The following BID variants were observed in gnomAD, a reference collection of about 807,000 sequenced individuals.
BID encodes BH3 interacting domain death agonist.
A neutral mutation model predicts 17.4 loss-of-function variants in BID; 19 were observed. The ratio of observed to expected loss-of-function variants is 1.09; its 90% CI spans 0.76 to 1.60. BID has a LOEUF of 1.60. BID is among the 40% of genes most tolerant of loss of function. The probability of loss-of-function intolerance (pLI) is 0.00; values close to 1 mark genes in which losing one functional copy is unlikely to be tolerated. For missense variants in BID, 226 were observed against 256.0 expected (o/e 0.88, Z 0.80); for synonymous variants, 108 against 102.8 (o/e 1.05, Z -0.31).
intron 5 of BID, among the ~76,000 whole-genome samples, 181 bp from the exon 6 acceptor site, chr22:17,735,772 G>A (rs529863212): frequency 1.3e-5 from 2 of 152,100 alleles, no homozygotes; most frequent in African/African-American, 2.4e-5. Context: ...AAAACAGGCC[G>A]TTCAGGCGGT....
intron 1 of BID, among the ~76,000 whole-genome samples, chr22:17,761,300 G>A (rs1359549779): frequency 6.6e-6 from 1 of 151,878 alleles, no homozygotes; most frequent in African/African-American, 2.4e-5. Flanking sequence ...ATGAACCTTT[G>A]TTCTTTGTTT....
chr22:17,763,336 T>A (rs1360837653), intron 1 of BID, among the ~76,000 whole-genome samples: 1 of 151,118 alleles, frequency 6.6e-6, no homozygotes, highest in African/African-American at 2.4e-5. Flanking sequence ...CTTCGTCTCC[T>A]GGGTTCAAGT....
intron 5 of BID, among the ~76,000 whole-genome samples, chr22:17,736,352 G>A (rs1035667457): frequency 6.6e-6 from 1 of 151,966 alleles, no homozygotes; most frequent in African/African-American, 2.4e-5. Context: ...AGCTTCTTGG[G>A]GGGCTGAGGC....
At chr22:17,757,308 G>A (rs1171042843) in intron 1 of BID, among the ~76,000 whole-genome samples, 1 of 150,112 alleles carries the variant, frequency 6.7e-6, no homozygotes, top group East Asian at 2.0e-4. Flanking sequence ...CCAGCTACTG[G>A]GGAAGGATTG....
chr22:17,767,776 T>C (rs1231169789), intron 1 of BID, among the ~76,000 whole-genome samples: 1 of 152,052 alleles, frequency 6.6e-6, no homozygotes, highest in Non-Finnish European at 1.5e-5. Flanking sequence ...AGAAACAGCG[T>C]CCGCGAAGTG....
chr22:17,771,301 G>A (rs1014010960), intron 1 of BID, among the ~76,000 whole-genome samples: 1 of 152,102 alleles, frequency 6.6e-6, no homozygotes, highest in African/African-American at 2.4e-5. Context: ...GGGTTTCAAC[G>A]TCTTAGTCAG....
chr22:17,740,212 T>G lies in BID; in HGVS notation c.224-724A>C, dbSNP rs1246356162. ...GTAAGCTCCCTAAGGGCTGTGATTTTTTTAATCTGTTTTGTCCACTGACAA... is the reference window on the plus strand; with the variant it reads ...GTAAGCTCCCTAAGGGCTGTGATTTGTTTAATCTGTTTTGTCCACTGACAA... On this transcript the variant is annotated intron_variant, in intron 3 of 5. Transcript: ENST00000622694. 1.0e-5 allele frequency: 16 copies of G among 1,581,526 alleles called. 1 individual carries two copies. The South Asian group carries it at 1.8e-4, about 18-fold the overall frequency.
chr22:17,761,137 G>A (rs766993416), intron 1 of BID, among the ~76,000 whole-genome samples: 6 of 152,110 alleles, frequency 3.9e-5, no homozygotes, highest in Admixed American at 1.3e-4. Context: ...TTTTTATAAG[G>A]TGAATGATCA....
intron 1 of BID, among the ~76,000 whole-genome samples, chr22:17,753,271 A>G (rs547725633): frequency 5.7e-4 from 86 of 152,170 alleles, no homozygotes; most frequent in African/African-American, 1.7e-3. Context: ...CAGCCCCCCA[A>G]TGGGACATTT....
At chr22:17,764,530 A>G (rs182645996) in intron 1 of BID, among the ~76,000 whole-genome samples, 51 of 152,386 alleles carry the variant, frequency 3.3e-4, no homozygotes, top group Admixed American at 3.1e-3. Context: ...ACAGATGCTG[A>G]ATACAGTGAA....
At chr22:17,745,169 G>C (rs921448349) in intron 2 of BID, among the ~76,000 whole-genome samples, 5 of 152,094 alleles carry the variant, frequency 3.3e-5, no homozygotes, top group African/African-American at 9.7e-5. Flanking sequence ...TCCCGCCTCA[G>C]CTTCCTGAGT....
Position 17,739,455 on chromosome 22 carries a change from A to G in BID, c.257T>C (p.Ile86Thr), listed in dbSNP as rs758479946. 2 of 1,612,560 alleles carry G rather than the reference A, an allele frequency of 1.2e-6. No individual in the cohort carries two copies. The highest frequency in any genetic ancestry group is 2.2e-5 in the South Asian group (2 of 91,074). Residue 86 changes from isoleucine to threonine, a missense_variant, in exon 4 of 6, where the codon ATT (isoleucine) becomes ACT (threonine). Physicochemically the swap from Ile to Thr is moderately conservative, Grantham distance 89. Transcript: ENST00000622694. ...SESQEDIIRNIARHLAQVGDS... is the reference protein window; with the variant it reads ...SESQEDIIRNTARHLAQVGDS... ...CCCGACCTGGGCGAGGTGCCTGGCA[A>G]TATTCCGGATGATGTCTTCTTGACT...
intron 2 of BID, among the ~76,000 whole-genome samples, chr22:17,744,346 G>A (rs1185913088): frequency 6.6e-6 from 1 of 152,214 alleles, no homozygotes. Flanking sequence ...GGGGAGGCGA[G>A]CGAGTGTCAT....
chr22:17,757,954 T>C (rs2061606299), intron 1 of BID, among the ~76,000 whole-genome samples: 1 of 152,114 alleles, frequency 6.6e-6, no homozygotes, highest in African/African-American at 2.4e-5. Context: ...GAGACAAAAC[T>C]TCAGGAAGCT....
Position 17,769,132 on chromosome 22 carries a change from A to AG in BID, c.-59+5248dup, listed in dbSNP as rs1263065926. Among the ~76,000 whole-genome samples the AG allele has an allele frequency of 2.0e-5, 3 of 152,264 alleles. No homozygotes were observed. Among genetic ancestry groups the AG allele is most frequent in the Non-Finnish European group, 4.4e-5 (3 of 68,038 alleles). ...CCACATCCCAGGCAGAGTCCAAGTCAGGGCAGAGCCTCACAGAGCACAGCA... is the reference window on the plus strand; with the variant it reads ...CCACATCCCAGGCAGAGTCCAAGTCAGGGGCAGAGCCTCACAGAGCACAGCA... On this transcript the variant is annotated intron_variant, in intron 1 of 5. Coordinates refer to ENST00000622694, the MANE Select transcript of BID (RefSeq NM_001196.4). This position sits in a 1 kb window ranked among gnomAD's most constrained non-coding sequence, Gnocchi z 4.8.
intron 1 of BID, among the ~76,000 whole-genome samples, chr22:17,761,592 C>T (rs1240453538): frequency 5.9e-5 from 9 of 152,114 alleles, no homozygotes; most frequent in South Asian, 2.1e-4. Context: ...CCACCACGCC[C>T]GGCTAATTTT....
chr22:17,739,454 A>G lies in BID; in HGVS notation c.258T>C (p.Ile86=). The change falls in exon 4 of 6, where the codon ATT becomes ATC. Residue 86 remains isoleucine, a synonymous_variant. Transcript: ENST00000622694. ...CCCCGACCTGGGCGAGGTGCCTGGC[A>G]ATATTCCGGATGATGTCTTCTTGAC... The part of the protein sequence containing the change: ...SESQEDIIRN[I]ARHLAQVGDS... 1.2e-6 allele frequency: 2 copies of G among 1,612,578 alleles called. No homozygotes were observed. Among genetic ancestry groups the G allele is most frequent in the Non-Finnish European group, 1.7e-6 (2 of 1,179,830 alleles).
chr22:17,736,987 A>T lies in BID; in HGVS notation c.576+1030T>A, dbSNP rs562650065. The stretch of plus-strand genomic sequence containing the variant: ...CCCAGCTAATTTTTTTTGTATTTTT[A>T]GTAGAAACGGGGTTTCACCATCTTG... On this transcript the variant is annotated intron_variant, in intron 5 of 5. Transcript: ENST00000622694. Among the ~76,000 whole-genome samples, 11 of 152,006 alleles carry T rather than the reference A, an allele frequency of 7.2e-5. No individual in the cohort carries two copies. In the South Asian group the frequency reaches 2.3e-3, roughly 32 times the overall value.
intron 3 of BID, 30 bp downstream of exon 3, chr22:17,743,773 T>A: frequency 2.5e-6 from 4 of 1,585,974 alleles, no homozygotes; most frequent in Non-Finnish European, 3.4e-6. Flanking sequence ...AAGCCCAGCT[T>A]TGGGGAAGGA....
Sources: allele counts gnomAD v4.1 joint callset (sites outside exome capture counted in the v4.1 genomes callset), GRCh38; gene constraint gnomAD v4.1.1; non-coding constraint Gnocchi (gnomAD v3.1); transcripts MANE v1.5; gene names NCBI Gene and HGNC (gene_info 2026-07-23, HGNC 2026-07-21).